Variants in FGL1 observed in about 807,000 individuals in gnomAD.
FGL1 encodes fibrinogen-like protein 1.
In FGL1, 59 loss-of-function variants were observed where a neutral mutation model predicts 43.7. That is an observed-to-expected ratio of 1.35 (90% CI 1.10 to 1.68). FGL1 has a LOEUF of 1.68. Ranked by LOEUF, FGL1 falls within the 40% of genes most tolerant of loss-of-function variation. The probability of loss-of-function intolerance (pLI) is 0.00; values close to 1 mark genes in which losing one functional copy is unlikely to be tolerated. For synonymous variants in FGL1, 192 were observed against 126.5 expected, an observed-to-expected ratio of 1.52 and a Z score of -3.48; for missense variants, 596 against 373.0, an observed-to-expected ratio of 1.60 and a Z score of -4.92.
intron 2 of FGL1, among the ~76,000 whole-genome samples, chr8:17,884,936 T>C (rs1163183677): frequency 6.6e-6 from 1 of 152,174 alleles, no homozygotes; most frequent in Non-Finnish European, 1.5e-5. Context: ...TTAATTTTAA[T>C]TACTATGGAC....
intron 1 of FGL1, among the ~76,000 whole-genome samples, chr8:17,888,091 T>C (rs1007119011): frequency 3.3e-5 from 5 of 151,994 alleles, no homozygotes; most frequent in African/African-American, 1.2e-4. Context: ...GTAGATGTTT[T>C]TATATGTAAT....
intron 1 of FGL1, among the ~76,000 whole-genome samples, chr8:17,894,069 A>G (rs898443967): frequency 6.8e-6 from 1 of 146,900 alleles, no homozygotes; most frequent in African/African-American, 2.7e-5. Flanking sequence ...AATTTAATTA[A>G]TTACGCTGCA....
At chr8:17,883,810 T>C (rs111661453) in intron 2 of FGL1, among the ~76,000 whole-genome samples, 5,157 of 143,064 alleles carry the variant, frequency 0.036, 124 homozygotes, top group African/African-American at 0.059. Flanking sequence ...CCTTCCCCTT[T>C]CCCTTCCTCT....
At chr8:17,894,553 A>G (rs756860771) in intron 1 of FGL1, among the ~76,000 whole-genome samples, 1 of 147,230 alleles carries the variant, frequency 6.8e-6, no homozygotes, top group Non-Finnish European at 1.5e-5. Context: ...TGACTTCTGA[A>G]GTGAAAATTG....
Position 17,864,736 on chromosome 8 carries a change from G to C in FGL1, c.795C>G (p.Asn265Lys). The C allele has an allele frequency of 6.5e-7, 1 of 1,526,998 alleles. No homozygotes were observed. The highest frequency in any genetic ancestry group is 1.3e-5 in the South Asian group (1 of 75,040). 94.6% of individuals were successfully genotyped at this position (1,526,998 alleles called of 1,614,324 possible). ...GGCCGCTGTAGTATACACCATTCAGGTTTGCAGAGTGACACCTAGTGGAAG... is the reference window on the plus strand; with the variant it reads ...GGCCGCTGTAGTATACACCATTCAGCTTTGCAGAGTGACACCTAGTGGAAG... Reference protein sequence around the residue: ...GWWFNRCHSANLNGVYYSGPY... With the variant: ...GWWFNRCHSAKLNGVYYSGPY... Residue 265 changes from asparagine (N) to lysine (K), a missense_variant, in exon 8 of 8, where the codon AAC becomes AAG. Asn to Lys is a moderately conservative substitution (Grantham distance 94). Coordinates refer to ENST00000427924, the MANE Select transcript of FGL1 (RefSeq NM_004467.4).
At chr8:17,870,634 T>G (rs986189754) in intron 5 of FGL1, among the ~76,000 whole-genome samples, 4 of 152,156 alleles carry the variant, frequency 2.6e-5, no homozygotes, top group African/African-American at 4.8e-5. Context: ...GATCCACTTG[T>G]GGACATCCCA....
intron 2 of FGL1, among the ~76,000 whole-genome samples, chr8:17,883,541 A>G (rs1326030421): frequency 7.3e-6 from 1 of 137,342 alleles, no homozygotes. Context: ...TATTTATTAT[A>G]TTATAGTCTA....
At chr8:17,887,922 A>G (rs2131742508) in intron 1 of FGL1, among the ~76,000 whole-genome samples, 1 of 152,210 alleles carries the variant, frequency 6.6e-6, no homozygotes, top group South Asian at 2.1e-4. Context: ...ACAATTTATA[A>G]GAACTCTGGC....
intron 2 of FGL1, among the ~76,000 whole-genome samples, chr8:17,882,941 AAAT>A (rs1239391090): frequency 5.8e-5 from 6 of 102,806 alleles, no homozygotes; most frequent in East Asian, 5.3e-4. Context: ...ATAATATATT[AAAT>A]AATATATAAT....
chr8:17,869,789 A>G (rs2259844), intron 5 of FGL1, among the ~76,000 whole-genome samples: 111,826 of 152,132 alleles, frequency 0.74, 41,614 homozygotes, highest in Non-Finnish European at 0.79. Flanking sequence ...TTTCTGAAGA[A>G]CTGATATCTA....
intron 7 of FGL1, among the ~76,000 whole-genome samples, chr8:17,865,234 T>C (rs1345995511): frequency 5.3e-5 from 8 of 152,180 alleles, no homozygotes. Context: ...CAAAAACGCA[T>C]CCTTGTAACC....
At chr8:17,890,265 A>T (rs17634667) in intron 1 of FGL1, among the ~76,000 whole-genome samples, 8,128 of 152,330 alleles carry the variant, frequency 0.053, 235 homozygotes, top group East Asian at 0.067. Flanking sequence ...TTTTAGAATT[A>T]CAATGAGACA....
chr8:17,876,420 T>A (rs1367006411), intron 3 of FGL1, among the ~76,000 whole-genome samples: 1 of 152,174 alleles, frequency 6.6e-6, no homozygotes, highest in African/African-American at 2.4e-5. Context: ...ACCAACCATA[T>A]ACTCCTGCTT....
At chr8:17,890,074 C>G (rs145138580) in intron 1 of FGL1, among the ~76,000 whole-genome samples, 2 of 152,308 alleles carry the variant, frequency 1.3e-5, no homozygotes, top group African/African-American at 4.8e-5. Context: ...CATGAAATCT[C>G]ACGATGTCTT....
intron 1 of FGL1, among the ~76,000 whole-genome samples, chr8:17,887,316 C>T (rs1387603721): frequency 6.6e-6 from 1 of 152,166 alleles, no homozygotes; most frequent in Non-Finnish European, 1.5e-5. Flanking sequence ...AGAATCCCAC[C>T]AGTTGGGAAG....
intron 3 of FGL1, among the ~76,000 whole-genome samples, chr8:17,875,437 A>T (rs2053429670): frequency 1.3e-5 from 2 of 152,108 alleles, no homozygotes; most frequent in Non-Finnish European, 2.9e-5. Context: ...TTCTTTGAAC[A>T]CTGAAGCAAA....
intron 2 of FGL1, among the ~76,000 whole-genome samples, chr8:17,884,131 C>T (rs2053593895): frequency 6.8e-6 from 1 of 147,206 alleles, no homozygotes; most frequent in Non-Finnish European, 1.5e-5. Flanking sequence ...TCCTTTCTTC[C>T]CATCCCTAGG....
chr8:17,884,873 A>C (rs2053604650), intron 2 of FGL1, among the ~76,000 whole-genome samples: 1 of 152,204 alleles, frequency 6.6e-6, no homozygotes, highest in African/African-American at 2.4e-5. Context: ...CGATGTAATT[A>C]CTTTCAAATA....
At chr8:17,891,167 AG>A (rs2053699630) in intron 1 of FGL1, 1 of 152,150 alleles carries the variant, frequency 6.6e-6, no homozygotes, top group South Asian at 2.1e-4. Context: ...CTAGGTGGAT[AG>A]TTAGGTACTG....
Sources: allele counts gnomAD v4.1 joint callset (sites outside exome capture counted in the v4.1 genomes callset), GRCh38; gene constraint gnomAD v4.1.1; transcripts MANE v1.5; gene names NCBI Gene and HGNC (gene_info 2026-07-23, HGNC 2026-07-21).